Variants in DOK6 observed in about 807,000 individuals in gnomAD.
The protein encoded by DOK6 is downstream of tyrosine kinase 6.
Under a neutral mutation model 44.0 loss-of-function variants are expected in DOK6, and 22 were observed. That is an observed-to-expected ratio of 0.50 (90% CI 0.36 to 0.71). DOK6 has a LOEUF of 0.71. Among genes scored for constraint, DOK6 ranks in the 30% least tolerant of loss-of-function variants. The pLI, the probability that DOK6 is intolerant of heterozygous loss-of-function variation, is 0.00. For missense variants in DOK6, 340 were observed against 416.4 expected (o/e 0.82, Z 1.60); for synonymous variants, 166 against 145.5 (o/e 1.14, Z -1.01).
intron 7 of DOK6, among the ~76,000 whole-genome samples, chr18:69,797,571 A>T (rs73970269): frequency 0.031 from 4,658 of 152,204 alleles, 219 homozygotes; most frequent in African/African-American, 0.1. Flanking sequence ...ATTGCAAATC[A>T]GATGTCTTCT....
chr18:69,548,252 C>T lies in DOK6; in HGVS notation c.67-16235C>T, dbSNP rs1026942262. Among the ~76,000 whole-genome samples, 22 of 151,348 alleles carry T rather than the reference C, an allele frequency of 1.5e-4. 1 individual carries two copies. The highest frequency in any genetic ancestry group is 5.1e-4 in the African/African-American group (21 of 41,304). On this transcript the variant is annotated intron_variant, in intron 1 of 7. Transcript: ENST00000382713. ...ACAGGCGTGAGCCACCGCGCCTGCC[C>T]TCATATATATATTTTTTTAATCCAG... is the stretch of plus-strand genomic sequence containing the variant.
chr18:69,701,482 C>G (rs1358863224), intron 5 of DOK6, among the ~76,000 whole-genome samples: 1 of 152,190 alleles, frequency 6.6e-6, no homozygotes, highest in Non-Finnish European at 1.5e-5. Flanking sequence ...CTGTGAAAGA[C>G]AAAACTCCTT....
chr18:69,652,466 AGAG>A (rs1985254356), intron 3 of DOK6, among the ~76,000 whole-genome samples: 1 of 152,196 alleles, frequency 6.6e-6, no homozygotes, highest in Non-Finnish European at 1.5e-5. Context: ...GAAGGAGCTG[AGAG>A]ACCAAAGAAT....
intron 3 of DOK6, among the ~76,000 whole-genome samples, chr18:69,672,952 C>T (rs1459029271): frequency 3.3e-5 from 5 of 151,816 alleles, no homozygotes; most frequent in Non-Finnish European, 7.4e-5. Flanking sequence ...AATATGAAAA[C>T]AACCTTTATC....
intron 1 of DOK6, among the ~76,000 whole-genome samples, chr18:69,530,358 G>T (rs979497151): frequency 1.3e-5 from 2 of 152,082 alleles, no homozygotes; most frequent in African/African-American, 4.8e-5. Flanking sequence ...GTATGCTTTG[G>T]TTTGTGTAAT....
chr18:69,756,154 G>T (rs1349031554), intron 6 of DOK6, among the ~76,000 whole-genome samples: 1 of 152,156 alleles, frequency 6.6e-6, no homozygotes, highest in Non-Finnish European at 1.5e-5. Context: ...GACCTGGGTG[G>T]GTCAGAGGTT....
rs373027432 is a variant in DOK6, at chr18:69,552,391, T to C, written c.67-12096T>C. Among the ~76,000 whole-genome samples, 4 of 152,168 alleles carry C rather than the reference T, an allele frequency of 2.6e-5. No individual in the cohort carries two copies. In the East Asian group the frequency reaches 7.7e-4, roughly 29 times the overall value. ...TACTAAATATTCTATATTAAATTTA[T>C]ATTATCTATGTTTGCTCTATATTTT... On this transcript the variant is annotated intron_variant, in intron 1 of 7. Transcript: ENST00000382713.
At chr18:69,487,707 G>T (rs17081066) in intron 1 of DOK6, among the ~76,000 whole-genome samples, 3,236 of 152,274 alleles carry the variant, frequency 0.021, 128 homozygotes, top group African/African-American at 0.074. Flanking sequence ...CAGCTGGAAA[G>T]CTTTGGACTC....
chr18:69,407,350 G>A (rs1182286653), intron 1 of DOK6, among the ~76,000 whole-genome samples: 1 of 152,140 alleles, frequency 6.6e-6, no homozygotes, highest in East Asian at 1.9e-4. Flanking sequence ...ATTTTGAAAT[G>A]CAGTGCTGGT....
chr18:69,435,958 A>T (rs917345157), intron 1 of DOK6, among the ~76,000 whole-genome samples: 1 of 152,060 alleles, frequency 6.6e-6, no homozygotes, highest in Non-Finnish European at 1.5e-5. Context: ...AAACTGATAA[A>T]GTTAATATAC....
intron 3 of DOK6, among the ~76,000 whole-genome samples, chr18:69,613,936 A>G (rs1489901676): frequency 6.8e-6 from 1 of 147,736 alleles, no homozygotes. Flanking sequence ...ATATATTTAT[A>G]TATTTATAAT....
At chr18:69,603,912 C>A (rs115583172) in intron 3 of DOK6, among the ~76,000 whole-genome samples, 1 of 151,480 alleles carries the variant, frequency 6.6e-6, no homozygotes, top group Non-Finnish European at 1.5e-5. Context: ...AGTTATTATA[C>A]GATTTATTCT....
intron 1 of DOK6, among the ~76,000 whole-genome samples, chr18:69,429,663 A>ATATATC (rs5825937): frequency 2.9e-4 from 32 of 110,122 alleles, no homozygotes; most frequent in South Asian, 5.7e-4. Flanking sequence ...ATATATATAT[A>ATATATC]TCTTATTAAT....
chr18:69,470,487 C>T (rs1287358448), intron 1 of DOK6, among the ~76,000 whole-genome samples: 4 of 152,108 alleles, frequency 2.6e-5, no homozygotes, highest in Non-Finnish European at 5.9e-5. Context: ...CCCCCAGGCG[C>T]ACCTGTTTAG....
At chr18:69,693,968 A>C (rs1318796688) in intron 4 of DOK6, among the ~76,000 whole-genome samples, 2 of 144,078 alleles carry the variant, frequency 1.4e-5, no homozygotes, top group Non-Finnish European at 3.0e-5. Flanking sequence ...CTGAGGCAGG[A>C]GAATGGCGTG....
rs568699309 is a variant in DOK6, at chr18:69,414,691, G to A, written c.66+13381G>A. ...GTAGTAATGTCAGTATTTTGGTTAT[G>A]AAATGAGATGGTAATTTTACAAGAA... On this transcript the variant is annotated intron_variant, in intron 1 of 7. Coordinates refer to ENST00000382713, the MANE Select transcript of DOK6 (RefSeq NM_152721.6). Among the ~76,000 whole-genome samples the A allele has an allele frequency of 6.6e-5, 10 of 152,112 alleles. No homozygotes were observed. In the East Asian group the frequency reaches 1.9e-3, roughly 29 times the overall value.
chr18:69,515,171 T>C (rs1981486433), intron 1 of DOK6, among the ~76,000 whole-genome samples: 1 of 152,244 alleles, frequency 6.6e-6, no homozygotes, highest in African/African-American at 2.4e-5. Context: ...GAGTGCTTAA[T>C]TGTGTAGTTT....
intron 3 of DOK6, among the ~76,000 whole-genome samples, chr18:69,610,248 T>C (rs1409839889): frequency 6.6e-6 from 1 of 152,180 alleles, no homozygotes; most frequent in African/African-American, 2.4e-5. Context: ...AAGTATATTC[T>C]CATAATGGCT....
rs536788176 is a variant in DOK6, at chr18:69,490,097, T to C, written c.67-74390T>C. 3.9e-5 allele frequency among the ~76,000 whole-genome samples: 6 copies of C among 152,326 alleles called. No homozygotes were observed. The East Asian group carries it at 7.7e-4, about 20-fold the overall frequency. ...ATCAGATTTTGCAAAAGAATTGTCC[T>C]GATATATTTTCTATTTTAAGAGTTT... On this transcript the variant is annotated intron_variant, in intron 1 of 7. Coordinates refer to ENST00000382713, the MANE Select transcript of DOK6 (RefSeq NM_152721.6).
Sources: gnomAD v4.1 joint callset for allele counts (sites outside exome capture counted in the v4.1 genomes callset) on GRCh38, gnomAD v4.1.1 for gene constraint, MANE v1.5 for transcripts, NCBI Gene and HGNC (gene_info 2026-07-23, HGNC 2026-07-21) for gene names.